The following TMEM132B variants were observed in gnomAD, a reference collection of about 807,000 sequenced individuals.
The protein encoded by TMEM132B is transmembrane protein 132B.
Under a neutral mutation model 90.8 loss-of-function variants are expected in TMEM132B, and 18 were observed. The observed-to-expected ratio is 0.20, with a 90% CI of 0.14 to 0.29. The LOEUF (loss-of-function observed/expected upper bound fraction) is 0.29, where lower values mean the gene tolerates loss of function less well. Ranked by LOEUF, TMEM132B falls within the 10% of genes least tolerant of loss-of-function variation. The pLI is 1.00. For synonymous variants in TMEM132B, 504 were observed against 523.3 expected, an observed-to-expected ratio of 0.96 and a Z score of 0.50; for missense variants, 1,096 against 1,326.8, an observed-to-expected ratio of 0.83 and a Z score of 2.70.
intron 2 of TMEM132B, among the ~76,000 whole-genome samples, chr12:125,387,936 CAG>C (rs1878891355): frequency 6.6e-6 from 1 of 152,152 alleles, no homozygotes; most frequent in African/African-American, 2.4e-5. Flanking sequence ...GTGGAATGAT[CAG>C]AGTCTTTGAC....
At chr12:125,352,808 T>C (rs2136237136) in intron 2 of TMEM132B, among the ~76,000 whole-genome samples, 1 of 152,358 alleles carries the variant, frequency 6.6e-6, no homozygotes, top group African/African-American at 2.4e-5. Context: ...GAGTTGTGCT[T>C]ATTCAGATGC....
intron 1 of TMEM132B, among the ~76,000 whole-genome samples, chr12:125,286,783 A>G: frequency 6.6e-6 from 1 of 151,922 alleles, no homozygotes; most frequent in East Asian, 1.9e-4. Context: ...GGCTCACTGC[A>G]ACCTCTGCCT....
At position 125,510,365 on chromosome 12, in the gene TMEM132B, A is replaced by T. The variant is rs559624492; in HGVS notation, c.1107-9074A>T. On this transcript the variant is annotated intron_variant, in intron 3 of 8. Coordinates refer to ENST00000682704, the MANE Select transcript of TMEM132B (RefSeq NM_001366854.1). Reference sequence around the variant, plus strand: ...AAAGTACTTTACACATTTTAAAAACAGAAAAATAAGAAGACTCTAACATCC... The same window carrying T: ...AAAGTACTTTACACATTTTAAAAACTGAAAAATAAGAAGACTCTAACATCC... Among the ~76,000 whole-genome samples, 6 of 152,362 alleles carry T rather than the reference A, an allele frequency of 3.9e-5. No individual in the cohort carries two copies. In the South Asian group the frequency reaches 1.2e-3, roughly 32 times the overall value.
At chr12:125,481,257 G>T (rs1024410638) in intron 3 of TMEM132B, among the ~76,000 whole-genome samples, 1 of 152,160 alleles carries the variant, frequency 6.6e-6, no homozygotes, top group Non-Finnish European at 1.5e-5. Context: ...TCTGGCCAGG[G>T]CAATCAGGCA....
At chr12:125,200,640 AG>A (rs1340322819) in intron 1 of TMEM132B, among the ~76,000 whole-genome samples, 5 of 152,224 alleles carry the variant, frequency 3.3e-5, no homozygotes, top group Admixed American at 6.5e-5. Context: ...CACCCACTGA[AG>A]ATCTCTAGAC....
In TMEM132B at chr12:125,313,787, T is replaced by C. The variant is rs73422858; in HGVS notation, c.68-35665T>C. Among the ~76,000 whole-genome samples, 863 of 133,226 alleles carry C rather than the reference T, an allele frequency of 6.5e-3. 6 individuals carry two copies. The highest frequency in any genetic ancestry group is 0.023 in the African/African-American group (790 of 34,624). The allele number at this position is 133,226 out of a possible 152,430, so 87.4% of individuals were successfully genotyped here. On this transcript the variant is annotated intron_variant, in intron 1 of 8. Coordinates refer to ENST00000682704, the MANE Select transcript of TMEM132B (RefSeq NM_001366854.1). ...ATGGGACTGGAGCAGTTGCAGGGGA[T>C]GCTATGCTCAGAAGGACCCCAAACT...
At chr12:125,326,455 G>A in intron 1 of TMEM132B, 3 of 750,882 alleles carry the variant, frequency 4.0e-6, no homozygotes, top group Non-Finnish European at 6.7e-6. Context: ...AAGACAATAT[G>A]AGCTCAAAAT....
At chr12:125,441,546 A>C (rs750699376) in intron 3 of TMEM132B, among the ~76,000 whole-genome samples, 5 of 152,222 alleles carry the variant, frequency 3.3e-5, no homozygotes, top group African/African-American at 4.8e-5. Context: ...CTTTTGTGTT[A>C]AACCTGTGTT....
At chr12:125,629,162 A>AT (rs539448867) in intron 5 of TMEM132B, among the ~76,000 whole-genome samples, 2,467 of 149,586 alleles carry the variant, frequency 0.016, 122 homozygotes, top group Admixed American at 0.11. Flanking sequence ...AAATTCTAGG[A>AT]TTTTTTTTTT....
intron 1 of TMEM132B, among the ~76,000 whole-genome samples, chr12:125,308,103 G>A (rs1813191994): frequency 6.9e-6 from 1 of 144,020 alleles, no homozygotes. Flanking sequence ...TACAATACAA[G>A]TATATTACAA....
At chr12:125,223,870 G>A (rs1338628238) in intron 1 of TMEM132B, among the ~76,000 whole-genome samples, 2 of 152,010 alleles carry the variant, frequency 1.3e-5, no homozygotes, top group African/African-American at 4.8e-5. Context: ...TCTGCCTCCT[G>A]GGTTCAAGTG....
At chr12:125,531,165 TTTTTC>T (rs1280928517) in intron 4 of TMEM132B, among the ~76,000 whole-genome samples, 2 of 152,178 alleles carry the variant, frequency 1.3e-5, no homozygotes, top group African/African-American at 4.8e-5. Flanking sequence ...TTATTTTTTC[TTTTTC>T]TTTTCTTTTT....
chr12:125,431,859 G>A (rs1880519158), intron 3 of TMEM132B, among the ~76,000 whole-genome samples: 1 of 152,178 alleles, frequency 6.6e-6, no homozygotes, highest in Non-Finnish European at 1.5e-5. Flanking sequence ...TTGGTCATGG[G>A]ATTCTTAGGG....
At chr12:125,363,145 C>G (rs1367019681) in intron 2 of TMEM132B, among the ~76,000 whole-genome samples, 1 of 152,146 alleles carries the variant, frequency 6.6e-6, no homozygotes, top group Non-Finnish European at 1.5e-5. Flanking sequence ...TTTGCTGGCT[C>G]AAATCCTAAC....
chr12:125,430,633 G>A (rs374568111), intron 3 of TMEM132B, among the ~76,000 whole-genome samples: 3 of 152,120 alleles, frequency 2.0e-5, no homozygotes, highest in African/African-American at 7.2e-5. Flanking sequence ...TCTTCACGAC[G>A]GTCATCTCTG....
intron 2 of TMEM132B, among the ~76,000 whole-genome samples, chr12:125,351,997 A>G (rs1299807729): frequency 6.6e-6 from 1 of 152,168 alleles, no homozygotes; most frequent in Non-Finnish European, 1.5e-5. Context: ...CCCCCTATTG[A>G]CAGAACCAAA....
At chr12:125,302,980 C>A (rs1875868681) in intron 1 of TMEM132B, among the ~76,000 whole-genome samples, 1 of 151,896 alleles carries the variant, frequency 6.6e-6, no homozygotes, top group Admixed American at 6.6e-5. Context: ...ACCTGTAATC[C>A]CAGCTACTCA....
intron 1 of TMEM132B, among the ~76,000 whole-genome samples, chr12:125,260,976 C>A (rs1366278062): frequency 6.6e-6 from 1 of 151,550 alleles, no homozygotes; most frequent in Non-Finnish European, 1.5e-5. Flanking sequence ...TTTCCCTTGT[C>A]TACCACCTCA....
chr12:125,519,295 C>T, intron 3 of TMEM132B, 144 bp from the exon 4 acceptor site: 1 of 803,268 alleles, frequency 1.2e-6, no homozygotes, highest in Non-Finnish European at 1.9e-6. Context: ...GTGAATTAGG[C>T]TCCGACAACA....
Sources: gnomAD v4.1 joint callset for allele counts (sites outside exome capture counted in the v4.1 genomes callset) on GRCh38, gnomAD v4.1.1 for gene constraint, MANE v1.5 for transcripts, NCBI Gene and HGNC (gene_info 2026-07-23, HGNC 2026-07-21) for gene names.